The following CEP290 variants were observed in gnomAD, a reference collection of about 807,000 sequenced individuals.
CEP290 encodes the protein centrosomal protein of 290 kDa.
In CEP290, 317 loss-of-function variants were observed where a neutral mutation model predicts 344.9. The observed-to-expected ratio is 0.92, with a 90% CI of 0.84 to 1.01. The LOEUF (loss-of-function observed/expected upper bound fraction) is 1.01. Ranked by LOEUF, CEP290 falls within the 50% of genes least tolerant of loss-of-function variation. CEP290 has a pLI of 0.00. For missense variants in CEP290, 2,754 were observed against 2,761.4 expected, an observed-to-expected ratio of 1.00 and a Z score of 0.06; for synonymous variants, 932 against 895.8, an observed-to-expected ratio of 1.04 and a Z score of -0.72.
chr12:88,078,600 TATC>T (rs2035958709), intron 39 of CEP290, among the ~76,000 whole-genome samples: 2 of 152,202 alleles, frequency 1.3e-5, no homozygotes, highest in African/African-American at 4.8e-5. Context: ...GATGGATACA[TATC>T]ATTATACATT....
At position 88,079,230 on chromosome 12, in the gene CEP290, C is replaced by G; in HGVS notation, c.5227-1G>C. 6.4e-7 allele frequency: 1 copy of G among 1,571,784 alleles called. No individual in the cohort carries two copies. Among genetic ancestry groups the G allele is most frequent in the Non-Finnish European group, 8.6e-7 (1 of 1,165,540 alleles). ...GTTCTAAAAGTGCCCGACTAAGTGC[C>G]TAAAAATTAACCAAAAAAAAAATGT... is the stretch of plus-strand genomic sequence containing the variant. On this transcript the variant is annotated splice_acceptor_variant, in intron 38 of 53. Coordinates refer to ENST00000552810, the MANE Select transcript of CEP290 (RefSeq NM_025114.4). LOFTEE classifies it high-confidence loss of function.
At chr12:88,128,846 G>T (rs897287502) in intron 11 of CEP290, 100 bp downstream of exon 11, 6 of 616,110 alleles carry the variant, frequency 9.7e-6, no homozygotes, top group Non-Finnish European at 1.6e-5. Flanking sequence ...CCTAATAAAC[G>T]TGTTATAAAC....
At chr12:88,085,489 A>G (rs757921681) in intron 34 of CEP290, among the ~76,000 whole-genome samples, 3 of 152,120 alleles carry the variant, frequency 2.0e-5, no homozygotes, top group Non-Finnish European at 4.4e-5. Context: ...TTCTTTATGT[A>G]TATTTTAAAT....
At chr12:88,121,213 C>G (rs180877706) in intron 13 of CEP290, 47 bp from the exon 14 acceptor site, 1 of 1,437,138 alleles carries the variant, frequency 7.0e-7, no homozygotes, top group East Asian at 2.3e-5. Flanking sequence ...CTACTTATTC[C>G]TTCAAATCAG....
intron 17 of CEP290, 149 bp from the exon 18 acceptor site, chr12:88,117,294 C>G (rs975572399): frequency 1.3e-5 from 7 of 540,432 alleles, no homozygotes; most frequent in African/African-American, 2.0e-5. Flanking sequence ...ATAGCCAATA[C>G]AAGCTTCTCA....
chr12:88,051,132 T>A (rs1286718192), intron 52 of CEP290, among the ~76,000 whole-genome samples: 2 of 151,474 alleles, frequency 1.3e-5, no homozygotes, highest in Non-Finnish European at 2.9e-5. Context: ...TGAAAAATAA[T>A]AAAATACTAA....
At chr12:88,093,509 A>C (rs1312005361) in intron 28 of CEP290, 1 of 343,342 alleles carries the variant, frequency 2.9e-6, no homozygotes, top group African/African-American at 2.1e-5. Flanking sequence ...ATGGTGGTGA[A>C]AGGCAATTCC....
intron 41 of CEP290, among the ~76,000 whole-genome samples, chr12:88,075,691 T>C (rs918946683): frequency 1.3e-5 from 2 of 152,174 alleles, no homozygotes; most frequent in African/African-American, 4.8e-5. Flanking sequence ...AAAAGGGTAC[T>C]AAAATTTCCA....
Position 88,049,380 on chromosome 12 carries a change from T to A in CEP290, c.7244A>T (p.Asn2415Ile). ...TTCTTCAAAAAATGAAGGATCAAAA[T>A]TTTCCAGTTCTTTTTTCAGCTTCTT... Reference protein sequence around the residue: ...EIKKLKKELENFDPSFFEEIE... With the variant: ...EIKKLKKELEIFDPSFFEEIE... The change falls in exon 54 of 54, where the codon AAT (asparagine) becomes ATT (isoleucine). Residue 2415 changes from asparagine (N) to isoleucine (I), a missense_variant. Asn to Ile is a moderately radical substitution (Grantham distance 149). Transcript: ENST00000552810. The A allele has an allele frequency of 6.5e-7, 1 of 1,545,420 alleles. No individual in the cohort carries two copies. Among genetic ancestry groups the A allele is most frequent in the South Asian group, 1.2e-5 (1 of 83,826 alleles).
intron 27 of CEP290, among the ~76,000 whole-genome samples, chr12:88,095,881 C>A (rs2037388644): frequency 1.3e-5 from 2 of 152,034 alleles, no homozygotes; most frequent in Non-Finnish European, 2.9e-5. Flanking sequence ...CTAATGAGAG[C>A]AACAAAGATT....
At chr12:88,063,789 C>A (rs964706305) in intron 45 of CEP290, among the ~76,000 whole-genome samples, 192 bp downstream of exon 45, 3 of 152,056 alleles carry the variant, frequency 2.0e-5, no homozygotes, top group South Asian at 2.1e-4. Flanking sequence ...TTCCCAGCAT[C>A]TGGAGGAGTG....
In CEP290 at chr12:88,125,322, TA is replaced by T; in HGVS notation, c.1112del (p.Val371GlufsTer18). On this transcript the variant is annotated frameshift_variant, in exon 13 of 54. Transcript: ENST00000552810. LOFTEE classifies it high-confidence loss of function. ...TTTCCATTTCTTTTGTATATTGTTC[TA>T]CTTGTTCGGTGAGCATCTTAATTTG... ...DSQIKMLTEQ[V>X]EQYTKEMEKN... 7.6e-7 allele frequency: 1 copy of T among 1,313,130 alleles called. No homozygotes were observed. The highest frequency in any genetic ancestry group is 1.0e-6 in the Non-Finnish European group (1 of 998,318). 81.3% of individuals were successfully genotyped at this position (1,313,130 alleles called of 1,614,324 possible).
rs199511358 is a variant in CEP290, at chr12:88,131,228, TA to T, written c.442-11del. The T allele has an allele frequency of 0.14, 119,249 of 882,646 alleles. No homozygotes were observed. The highest frequency in any genetic ancestry group is 0.15 in the South Asian group (6,610 of 42,770). 54.7% of individuals were successfully genotyped at this position (882,646 alleles called of 1,614,324 possible). On this transcript the variant is annotated splice_polypyrimidine_tract_variant and intron_variant, in intron 6 of 53. Coordinates refer to ENST00000552810, the MANE Select transcript of CEP290 (RefSeq NM_025114.4). ...CATTTCGAAGAGCCAACTAAAATAGTAAAAAAAAAAAATAAATAAGAAGAAG... is the reference window on the plus strand; with the variant it reads ...CATTTCGAAGAGCCAACTAAAATAGTAAAAAAAAAAATAAATAAGAAGAAG...
rs745716682 is a variant in CEP290 at position 88,090,731 on chromosome 12, A to G, written c.3570T>C (p.Tyr1190=). 6.5e-7 allele frequency: 1 copy of G among 1,541,006 alleles called. No individual in the cohort carries two copies. Among genetic ancestry groups the G allele is most frequent in the South Asian group, 1.2e-5 (1 of 83,760 alleles). ...VESLRMQLLD[Y]QAQSDEKSLI... The stretch of plus-strand genomic sequence containing the variant: ...GAAGAGCCAATACTGCACATACCTG[A>G]TAGTCTAGCAGTTGCATTCTGAGGG... Residue 1190 remains tyrosine (Y), a synonymous_variant, in exon 30 of 54, where the codon TAT becomes TAC. Transcript: ENST00000552810.
At chr12:88,115,521 T>C (rs752308010) in intron 18 of CEP290, 417 of 1,295,192 alleles carry the variant, frequency 3.2e-4, no homozygotes, top group Non-Finnish European at 4.1e-4. Context: ...TATATCTGCA[T>C]TTCTACACTC....
In CEP290 at chr12:88,055,319, A is replaced by G. The variant is rs2468242; in HGVS notation, c.6960+257T>C. On this transcript the variant is annotated intron_variant, in intron 50 of 53. Coordinates refer to ENST00000552810, the MANE Select transcript of CEP290 (RefSeq NM_025114.4). ...AAGACTGGTAGTGATGTCTCAAGAT[A>G]CCAAGAAGTGGTCATATTTAGGATA... 0.93 allele frequency among the ~76,000 whole-genome samples: 141,208 copies of G among 152,196 alleles called. 65,627 individuals are homozygous for G. Among genetic ancestry groups the G allele is most frequent in the East Asian group, 0.99 (5,101 of 5,168 alleles).
At chr12:88,094,027 C>T (rs1006639234) in intron 27 of CEP290, 52 bp from the exon 28 acceptor site, 1 of 1,350,736 alleles carries the variant, frequency 7.4e-7, no homozygotes, top group Non-Finnish European at 1.0e-6. Flanking sequence ...TTAAAATTAC[C>T]TCAGATATTT....
intron 15 of CEP290, among the ~76,000 whole-genome samples, chr12:88,119,789 C>T (rs1236361056): frequency 1.3e-5 from 2 of 151,930 alleles, no homozygotes; most frequent in East Asian, 1.9e-4. Flanking sequence ...TAATACAGAC[C>T]CTACTTTTGT....
chr12:88,098,296 C>T (rs2037594896), intron 26 of CEP290, among the ~76,000 whole-genome samples: 1 of 147,580 alleles, frequency 6.8e-6, no homozygotes. Context: ...CAGAGCAAAA[C>T]TCCATCTCAA....
Sources: allele counts gnomAD v4.1 joint callset (sites outside exome capture counted in the v4.1 genomes callset), GRCh38; gene constraint gnomAD v4.1.1; transcripts MANE v1.5; gene names NCBI Gene and HGNC (gene_info 2026-07-23, HGNC 2026-07-21).